Variants in LIMA1 observed in about 807,000 individuals in gnomAD.
LIMA1 encodes the protein LIM domain and actin-binding protein 1.
LIMA1 carries 52 observed loss-of-function variants against 62.6 expected under a neutral mutation model. The observed-to-expected ratio is 0.83, with a 90% CI of 0.67 to 1.05. The LOEUF (loss-of-function observed/expected upper bound fraction) is 1.05. Among genes scored for constraint, LIMA1 ranks in the 50% least tolerant of loss-of-function variants. LIMA1 has a pLI of 0.00. For missense variants in LIMA1, 780 were observed against 902.2 expected, an observed-to-expected ratio of 0.86 and a Z score of 1.74; for synonymous variants, 302 against 317.8, an observed-to-expected ratio of 0.95 and a Z score of 0.53.
intron 4 of LIMA1, among the ~76,000 whole-genome samples, chr12:50,218,710 A>C (rs903328912): frequency 2.6e-5 from 4 of 152,026 alleles, no homozygotes; most frequent in African/African-American, 9.7e-5. Context: ...GTTTAAGAAC[A>C]GTCTGGGCAA....
chr12:50,242,964 G>GTATGA (rs1440109063), intron 2 of LIMA1, among the ~76,000 whole-genome samples: 2 of 152,156 alleles, frequency 1.3e-5, no homozygotes. Flanking sequence ...TTCCAAAAAT[G>GTATGA]TATGAGTCAA....
chr12:50,234,048 ACTTT>A (rs1180866753), intron 2 of LIMA1: 2 of 439,664 alleles, frequency 4.5e-6, no homozygotes, highest in Non-Finnish European at 9.1e-6. Context: ...ATTTGTTATT[ACTTT>A]TATCATTTTG....
At chr12:50,250,113 A>G (rs561110711) in intron 1 of LIMA1, among the ~76,000 whole-genome samples, 2 of 152,056 alleles carry the variant, frequency 1.3e-5, no homozygotes, top group African/African-American at 4.8e-5. Flanking sequence ...AGCCTGACCA[A>G]CATGGTGAAA....
intron 2 of LIMA1, among the ~76,000 whole-genome samples, chr12:50,242,025 C>T (rs1941785628): frequency 8.2e-6 from 1 of 122,004 alleles, no homozygotes; most frequent in Non-Finnish European, 1.6e-5. Context: ...CAACAGCTCA[C>T]TAATGCTCAG....
chr12:50,267,313 C>T (rs1189837417), intron 1 of LIMA1, among the ~76,000 whole-genome samples: 2 of 152,086 alleles, frequency 1.3e-5, no homozygotes, highest in African/African-American at 4.8e-5. Context: ...CCTCGTGATC[C>T]ACCTGCCTTG....
Position 50,177,890 on chromosome 12 carries a change from C to T in LIMA1, c.1454G>A (p.Arg485Lys). 7 of 1,613,758 alleles carry T rather than the reference C, an allele frequency of 4.3e-6. No homozygotes were observed. The highest frequency in any genetic ancestry group is 5.9e-6 in the Non-Finnish European group (7 of 1,179,858). Residue 485 changes from arginine to lysine, a missense_variant, in exon 11 of 11, where the codon AGG becomes AAG. Physicochemically the swap from Arg to Lys is conservative, Grantham distance 26. Transcript: ENST00000341247. ...TACCCCTGGGCTGTGAGGGGTCTCC[C>T]TTGCATTTGCAAGCTGGGCTGGTCT... ...LERPAQLANA[R>K]ETPHSPGVED...
At chr12:50,226,789 C>T (rs1002533745) in intron 3 of LIMA1, among the ~76,000 whole-genome samples, 3 of 147,962 alleles carry the variant, frequency 2.0e-5, no homozygotes, top group Non-Finnish European at 4.4e-5. Flanking sequence ...CAGTGAGCTG[C>T]GATCATGCCA....
At chr12:50,269,300 A>G in intron 1 of LIMA1, among the ~76,000 whole-genome samples, 1 of 152,212 alleles carries the variant, frequency 6.6e-6, no homozygotes, top group Non-Finnish European at 1.5e-5. Flanking sequence ...CACTTTATGT[A>G]AGTGTATTAT....
chr12:50,265,919 TC>T (rs1942133567), intron 1 of LIMA1, among the ~76,000 whole-genome samples: 1 of 151,958 alleles, frequency 6.6e-6, no homozygotes, highest in African/African-American at 2.4e-5. Flanking sequence ...TTCCTTATCC[TC>T]CTCCTTCCCA....
At chr12:50,254,288 A>C (rs1283309128) in intron 1 of LIMA1, among the ~76,000 whole-genome samples, 1 of 152,228 alleles carries the variant, frequency 6.6e-6, no homozygotes, top group East Asian at 1.9e-4. Context: ...TGACAAATAA[A>C]TGGTATACAT....
intron 1 of LIMA1, among the ~76,000 whole-genome samples, chr12:50,273,005 A>G (rs1214765688): frequency 1.3e-5 from 2 of 151,684 alleles, no homozygotes; most frequent in Admixed American, 6.6e-5. Context: ...AGCAGAGATC[A>G]CACCACTGCA....
Position 50,218,905 on chromosome 12 carries a change from A to C in LIMA1, c.630+3116T>G, listed in dbSNP as rs201472089. 2.2e-4 allele frequency among the ~76,000 whole-genome samples: 23 copies of C among 104,988 alleles called. No homozygotes were observed. In the South Asian group the frequency reaches 6.9e-3, roughly 32 times the overall value. 68.9% of individuals were successfully genotyped at this position (104,988 alleles called of 152,430 possible). ...AAGACCCTATCTCCATAAAAAAAAA[A>C]AAAACAAAAACAAAAAAAAAACGCA... On this transcript the variant is annotated intron_variant, in intron 4 of 10. Transcript: ENST00000341247.
intron 2 of LIMA1, among the ~76,000 whole-genome samples, chr12:50,244,428 G>A (rs953005473): frequency 3.3e-5 from 5 of 151,872 alleles, no homozygotes; most frequent in Admixed American, 6.6e-5. Flanking sequence ...TAGTAGAGAT[G>A]GGGTTTCACC....
chr12:50,208,834 T>TC (rs2138503223), intron 4 of LIMA1, among the ~76,000 whole-genome samples: 1 of 151,704 alleles, frequency 6.6e-6, no homozygotes, highest in East Asian at 2.0e-4. Context: ...ATAGGAAGAC[T>TC]CCATCTCTAC....
At chr12:50,281,018 A>G (rs1267853687) in intron 1 of LIMA1, among the ~76,000 whole-genome samples, 4 of 152,204 alleles carry the variant, frequency 2.6e-5, no homozygotes, top group Admixed American at 2.0e-4. Context: ...AAAGTCATCT[A>G]TCTAATAGTG....
intron 2 of LIMA1, among the ~76,000 whole-genome samples, chr12:50,233,594 G>A (rs769149118): frequency 8.6e-4 from 131 of 152,150 alleles, no homozygotes; most frequent in Middle Eastern, 6.8e-3. Context: ...GCACAATCTC[G>A]GCTCACTGCA....
intron 1 of LIMA1, among the ~76,000 whole-genome samples, chr12:50,252,039 G>A (rs1467996694): frequency 6.6e-6 from 1 of 152,198 alleles, no homozygotes; most frequent in Non-Finnish European, 1.5e-5. Flanking sequence ...ATAATCTACT[G>A]TGCTTGCTGA....
At position 50,192,497 on chromosome 12, in the gene LIMA1, G is replaced by C. The variant is rs1485438894; in HGVS notation, c.1095C>G (p.Ser365=). The change falls in exon 9 of 11, where the codon TCC becomes TCG. Residue 365 remains serine, a synonymous_variant. Coordinates refer to ENST00000341247, the MANE Select transcript of LIMA1 (RefSeq NM_016357.5). The stretch of plus-strand genomic sequence containing the variant: ...AACTTTCAGAAAGACTGGAGGCTCT[G>C]GAATCTGGACTTAGTGGCTTGGGAT... ...PVHPKPLSPD[S]RASSLSESSP... is the part of the protein sequence containing the mutation. 1 of 1,613,982 alleles carries C rather than the reference G, an allele frequency of 6.2e-7. No individual in the cohort carries two copies. The highest frequency in any genetic ancestry group is 8.5e-7 in the Non-Finnish European group (1 of 1,179,982).
intron 4 of LIMA1, among the ~76,000 whole-genome samples, chr12:50,216,664 C>T (rs1941350207): frequency 6.6e-6 from 1 of 151,882 alleles, no homozygotes; most frequent in African/African-American, 2.4e-5. Flanking sequence ...AGTTCAAGAC[C>T]AGCCTATCCA....
Sources: gnomAD v4.1 joint callset for allele counts (sites outside exome capture counted in the v4.1 genomes callset) on GRCh38, gnomAD v4.1.1 for gene constraint, MANE v1.5 for transcripts, NCBI Gene and HGNC (gene_info 2026-07-23, HGNC 2026-07-21) for gene names.